Variants in ASTN2 observed in about 807,000 individuals in gnomAD.
ASTN2 encodes astrotactin-2.
ASTN2 carries 54 observed loss-of-function variants against 139.8 expected under a neutral mutation model. That is an observed-to-expected ratio of 0.39 (90% CI 0.31 to 0.48). ASTN2 has a LOEUF of 0.48. Ranked by LOEUF, ASTN2 falls within the 20% of genes least tolerant of loss-of-function variation. ASTN2 has a pLI of 0.95. For missense variants in ASTN2, 1,565 were observed against 1,725.1 expected (o/e 0.91, Z 1.64); for synonymous variants, 756 against 719.5 (o/e 1.05, Z -0.81).
At chr9:117,336,044 G>A (rs1332522251) in intron 1 of ASTN2, among the ~76,000 whole-genome samples, 2 of 144,876 alleles carry the variant, frequency 1.4e-5, no homozygotes, top group African/African-American at 5.1e-5. Flanking sequence ...AAGGAGACAG[G>A]AGGTCTGGAA....
At chr9:116,489,730 G>C (rs1275548205) in intron 19 of ASTN2, among the ~76,000 whole-genome samples, 6 of 152,230 alleles carry the variant, frequency 3.9e-5, no homozygotes, top group African/African-American at 1.2e-4. Flanking sequence ...ATGGCCCTGG[G>C]ATTCAGCCGA....
intron 13 of ASTN2, among the ~76,000 whole-genome samples, chr9:116,762,364 C>G (rs902122621): frequency 1.3e-5 from 2 of 152,170 alleles, no homozygotes; most frequent in African/African-American, 4.8e-5. Flanking sequence ...CTTTGTCTAT[C>G]TTGCAGGGCC....
intron 16 of ASTN2, among the ~76,000 whole-genome samples, chr9:116,667,731 T>C (rs912834129): frequency 4.6e-5 from 7 of 152,200 alleles, no homozygotes; most frequent in African/African-American, 1.4e-4. Context: ...TGCTCACTTG[T>C]ATTGTTTTTT....
chr9:116,659,169 CAT>C (rs1414094956), intron 16 of ASTN2, among the ~76,000 whole-genome samples: 3 of 151,620 alleles, frequency 2.0e-5, no homozygotes, highest in Non-Finnish European at 4.4e-5. Flanking sequence ...CATTATAGTA[CAT>C]GTCACGTTTT....
At chr9:117,235,496 GCT>G (rs1476087459) in intron 2 of ASTN2, among the ~76,000 whole-genome samples, 1 of 152,150 alleles carries the variant, frequency 6.6e-6, no homozygotes, top group African/African-American at 2.4e-5. Context: ...AAATCATCCT[GCT>G]CTCCAGAAAA....
chr9:116,987,744 T>C (rs1187591073), intron 7 of ASTN2, among the ~76,000 whole-genome samples: 1 of 152,116 alleles, frequency 6.6e-6, no homozygotes, highest in East Asian at 1.9e-4. Context: ...TTAAGAACAA[T>C]AAATAAAAAC....
intron 2 of ASTN2, among the ~76,000 whole-genome samples, chr9:117,228,885 C>T (rs565253419): frequency 3.9e-5 from 6 of 152,060 alleles, no homozygotes; most frequent in East Asian, 3.9e-4. Context: ...CATGGTGGCA[C>T]GTGCCTATAT....
chr9:117,084,041 A>G (rs1263221812), intron 5 of ASTN2, among the ~76,000 whole-genome samples: 1 of 151,952 alleles, frequency 6.6e-6, no homozygotes, highest in Non-Finnish European at 1.5e-5. Context: ...TTTAAGAAAA[A>G]AAAAAAAAAA....
chr9:116,942,853 A>G (rs536949869), intron 10 of ASTN2, among the ~76,000 whole-genome samples: 7 of 152,326 alleles, frequency 4.6e-5, no homozygotes, highest in African/African-American at 1.2e-4. Flanking sequence ...CAATGGCAGA[A>G]GAGTGTGCAG....
intron 5 of ASTN2, among the ~76,000 whole-genome samples, chr9:117,060,354 GAAAGAAAGA>G (rs1839215366): frequency 1.9e-5 from 1 of 53,634 alleles, no homozygotes; most frequent in East Asian, 4.5e-4. Flanking sequence ...GAGAAAGAAA[GAAAGAAAGA>G]AAGAAAGAAA....
intron 10 of ASTN2, among the ~76,000 whole-genome samples, chr9:116,942,434 G>A (rs934532769): frequency 4.6e-5 from 7 of 152,110 alleles, no homozygotes; most frequent in African/African-American, 1.7e-4. Context: ...TTATGACTTG[G>A]TCATTGGCCC....
intron 5 of ASTN2, among the ~76,000 whole-genome samples, chr9:117,063,592 C>A (rs959554751): frequency 3.3e-5 from 5 of 152,094 alleles, no homozygotes; most frequent in African/African-American, 1.2e-4. Flanking sequence ...TATAAATTAC[C>A]AAGTCTAGGG....
chr9:116,487,968 T>C (rs917845480), intron 19 of ASTN2, among the ~76,000 whole-genome samples: 1 of 152,194 alleles, frequency 6.6e-6, no homozygotes, highest in African/African-American at 2.4e-5. Flanking sequence ...AAATTGCCAC[T>C]GTTAGGCATG....
chr9:116,766,652 C>T lies in ASTN2; in HGVS notation c.2397-33129G>A, dbSNP rs560632939. 9.9e-5 allele frequency among the ~76,000 whole-genome samples: 15 copies of T among 152,154 alleles called. No homozygotes were observed. The South Asian group carries it at 2.5e-3, about 25-fold the overall frequency. Reference sequence around the variant, plus strand: ...AGATACCCGTAAATGCACCCACATTCGCACTCACATACACAAATACACACA... The same window carrying T: ...AGATACCCGTAAATGCACCCACATTTGCACTCACATACACAAATACACACA... On this transcript the variant is annotated intron_variant, in intron 13 of 22. Coordinates refer to ENST00000313400, the MANE Select transcript of ASTN2 (RefSeq NM_001365068.1).
chr9:117,005,080 ATTTTTT>A (rs35759848), intron 7 of ASTN2, among the ~76,000 whole-genome samples: 21 of 74,670 alleles, frequency 2.8e-4, no homozygotes, highest in African/African-American at 1.1e-3. Flanking sequence ...CCTGTAGTCG[ATTTTTT>A]TTTTTTTTTT....
chr9:117,376,914 C>A (rs1477789619), intron 1 of ASTN2, among the ~76,000 whole-genome samples: 2 of 152,120 alleles, frequency 1.3e-5, no homozygotes, highest in Non-Finnish European at 2.9e-5. Context: ...AGACAGACCG[C>A]TAGCTGTGCA....
At chr9:116,482,345 C>G (rs1849196919) in intron 20 of ASTN2, among the ~76,000 whole-genome samples, 2 of 151,762 alleles carry the variant, frequency 1.3e-5, no homozygotes, top group South Asian at 4.2e-4. Flanking sequence ...CAAAACAAAA[C>G]AAAAAAACAC....
chr9:117,077,136 T>C (rs914188261), intron 5 of ASTN2, among the ~76,000 whole-genome samples: 5 of 151,698 alleles, frequency 3.3e-5, no homozygotes, highest in African/African-American at 1.2e-4. Context: ...GAGACAGAGG[T>C]TGGGAGGAAA....
At chr9:116,525,659 C>T (rs1018269559) in intron 19 of ASTN2, among the ~76,000 whole-genome samples, 4 of 152,192 alleles carry the variant, frequency 2.6e-5, no homozygotes, top group Admixed American at 2.0e-4. Context: ...TTAAGCAAGC[C>T]ACCTGCCTTC....
Sources: gnomAD v4.1 joint callset for allele counts (sites outside exome capture counted in the v4.1 genomes callset) on GRCh38, gnomAD v4.1.1 for gene constraint, MANE v1.5 for transcripts, NCBI Gene and HGNC (gene_info 2026-07-23, HGNC 2026-07-21) for gene names.